SND1: variants seen among roughly 807,000 people sequenced by gnomAD.
SND1 encodes the protein staphylococcal nuclease and tudor domain containing 1, also known as staphylococcal nuclease domain-containing protein 1.
In SND1, 38 loss-of-function variants were observed where a neutral mutation model predicts 121.7. The observed-to-expected ratio is 0.31, with a 90% confidence interval of 0.24 to 0.41. The LOEUF is 0.41. Among genes scored for constraint, SND1 ranks in the 10% least tolerant of loss-of-function variants. The pLI is 1.00. For missense variants in SND1, 868 were observed against 1,184.6 expected (o/e 0.73, Z 3.92); for synonymous variants, 401 against 447.4 (o/e 0.90, Z 1.31).
intron 16 of SND1, among the ~76,000 whole-genome samples, chr7:127,993,558 G>A (rs1802569196): frequency 2.0e-5 from 3 of 152,236 alleles, no homozygotes; most frequent in Non-Finnish European, 4.4e-5. Context: ...GAACTCTCCT[G>A]GAGCTGAGCC....
chr7:128,088,749 G>A (rs1430783823), intron 21 of SND1, among the ~76,000 whole-genome samples: 1 of 151,428 alleles, frequency 6.6e-6, no homozygotes, highest in Admixed American at 6.6e-5. Flanking sequence ...CACCACACCT[G>A]GCCTAGTCCC....
intron 13 of SND1, among the ~76,000 whole-genome samples, chr7:127,902,087 A>G (rs1800243889): frequency 1.3e-5 from 2 of 152,198 alleles, no homozygotes; most frequent in Non-Finnish European, 2.9e-5. Flanking sequence ...TGGTCACAGA[A>G]AGAAAGCAGA....
chr7:127,860,186 A>G (rs1381421715), intron 12 of SND1, among the ~76,000 whole-genome samples: 1 of 152,146 alleles, frequency 6.6e-6, no homozygotes, highest in Non-Finnish European at 1.5e-5. Flanking sequence ...TGCTTCCTTA[A>G]TGTGTGTCTT....
intron 16 of SND1, among the ~76,000 whole-genome samples, chr7:127,995,936 C>T (rs1251404404): frequency 6.6e-6 from 1 of 152,128 alleles, no homozygotes; most frequent in African/African-American, 2.4e-5. Context: ...CTTTCTGACA[C>T]ATTAGAATTG....
rs58485973 is a variant in SND1 at position 127,988,610 on chromosome 7, C to G, written c.1670-2337C>G. Among the ~76,000 whole-genome samples the G allele has an allele frequency of 4.7e-3, 712 of 152,326 alleles. 7 individuals carry two copies. Among genetic ancestry groups the G allele is most frequent in the African/African-American group, 0.016 (670 of 41,578 alleles). On this transcript the variant is annotated intron_variant, in intron 15 of 23. Coordinates refer to ENST00000354725, the MANE Select transcript of SND1 (RefSeq NM_014390.4). ...TGGTGGTCTCCAGGATTCAGGGGAG[C>G]AACTGCAATCTCTGAAGCTTCACCA...
At chr7:128,041,353 C>T (rs1392503998) in intron 16 of SND1, among the ~76,000 whole-genome samples, 1 of 152,112 alleles carries the variant, frequency 6.6e-6, no homozygotes, top group Non-Finnish European at 1.5e-5. Context: ...AGCCCAGCGC[C>T]CACACCACTG....
At chr7:127,854,387 C>G (rs1435150413) in intron 12 of SND1, among the ~76,000 whole-genome samples, 1 of 152,106 alleles carries the variant, frequency 6.6e-6, no homozygotes, top group East Asian at 1.9e-4. Context: ...CCTTGCCTCC[C>G]AAAGTGCTGG....
At chr7:127,655,848 A>G (rs1444714500) in intron 1 of SND1, among the ~76,000 whole-genome samples, 1 of 152,090 alleles carries the variant, frequency 6.6e-6, no homozygotes, top group African/African-American at 2.4e-5. Context: ...GTATGTTTAC[A>G]TGTCTTGTCA....
chr7:127,936,792 T>C (rs1384153565), intron 15 of SND1, among the ~76,000 whole-genome samples: 1 of 152,162 alleles, frequency 6.6e-6, no homozygotes, highest in Admixed American at 6.5e-5. Flanking sequence ...AGCAGTCCTC[T>C]TGCCTTAGTC....
intron 12 of SND1, among the ~76,000 whole-genome samples, chr7:127,868,804 G>C (rs1584629874): frequency 6.6e-6 from 1 of 152,176 alleles, no homozygotes; most frequent in African/African-American, 2.4e-5. Context: ...GTTTTCTTAG[G>C]CCACATGAAC....
intron 1 of SND1, among the ~76,000 whole-genome samples, chr7:127,665,483 G>A (rs753770233): frequency 6.6e-6 from 1 of 151,990 alleles, no homozygotes; most frequent in African/African-American, 2.4e-5. Flanking sequence ...CACCGCGCCC[G>A]GCCGACAGTC....
At chr7:127,700,812 A>C (rs1379992112) in intron 4 of SND1, among the ~76,000 whole-genome samples, 1 of 152,176 alleles carries the variant, frequency 6.6e-6, no homozygotes, top group African/African-American at 2.4e-5. Flanking sequence ...CTGGGATTCC[A>C]GTTCCTGAAT....
intron 12 of SND1, among the ~76,000 whole-genome samples, chr7:127,856,673 A>C (rs1315685593): frequency 6.6e-6 from 1 of 152,168 alleles, no homozygotes; most frequent in Non-Finnish European, 1.5e-5. Flanking sequence ...TTACATATAA[A>C]CTGGGATTCA....
At chr7:127,842,268 C>G (rs1798978669) in intron 11 of SND1, among the ~76,000 whole-genome samples, 4 of 152,118 alleles carry the variant, frequency 2.6e-5, no homozygotes, top group African/African-American at 7.2e-5. Flanking sequence ...CTCCTTGATC[C>G]CCATGCACCT....
At chr7:127,974,463 A>G (rs1802068556) in intron 15 of SND1, among the ~76,000 whole-genome samples, 1 of 152,202 alleles carries the variant, frequency 6.6e-6, no homozygotes, top group African/African-American at 2.4e-5. Context: ...CCTTTGGAGC[A>G]GCGATTTCAT....
chr7:127,996,889 G>T (rs778085918), intron 16 of SND1, among the ~76,000 whole-genome samples: 6 of 152,156 alleles, frequency 3.9e-5, no homozygotes, highest in Non-Finnish European at 1.5e-5. Context: ...CCCCACACAT[G>T]CTTGACAGTT....
At chr7:127,715,349 A>G (rs954140341) in intron 9 of SND1, among the ~76,000 whole-genome samples, 1 of 152,176 alleles carries the variant, frequency 6.6e-6, no homozygotes, top group Non-Finnish European at 1.5e-5. Flanking sequence ...CTTTTCTTTT[A>G]GATTCGGGGA....
At position 127,661,024 on chromosome 7, in the gene SND1, A is replaced by G. The variant is rs530985406; in HGVS notation, c.78+8573A>G. 1.5e-4 allele frequency among the ~76,000 whole-genome samples: 23 copies of G among 152,288 alleles called. 1 individual carries two copies. Among genetic ancestry groups the G allele is most frequent in the East Asian group, 3.9e-4 (2 of 5,182 alleles). On this transcript the variant is annotated intron_variant, in intron 1 of 23. Transcript: ENST00000354725. Reference sequence around the variant, plus strand: ...CATGTGAGATCCACTGATCTTGTTTAACTCCTGTACTGTTTGTAGTTGAAG... The same window carrying G: ...CATGTGAGATCCACTGATCTTGTTTGACTCCTGTACTGTTTGTAGTTGAAG...
rs184855541 is a variant in SND1, at chr7:127,865,349, A to C, written c.1343+20925A>C. Among the ~76,000 whole-genome samples, 395 of 152,320 alleles carry C rather than the reference A, an allele frequency of 2.6e-3. 3 individuals carry two copies. In the Middle Eastern group the frequency reaches 0.031, roughly 12 times the overall value. On this transcript the variant is annotated intron_variant, in intron 12 of 23. Coordinates refer to ENST00000354725, the MANE Select transcript of SND1 (RefSeq NM_014390.4). ...AAGTAGGTTAGGAAATGTGGCTCAG[A>C]GCATTATTGTATCATACAGTTTTTC... is the stretch of plus-strand genomic sequence containing the variant.
Sources: allele counts gnomAD v4.1 joint callset (sites outside exome capture counted in the v4.1 genomes callset), GRCh38; gene constraint gnomAD v4.1.1; transcripts MANE v1.5; gene names NCBI Gene and HGNC (gene_info 2026-07-23, HGNC 2026-07-21).